Variants in TGFA observed in about 807,000 individuals in gnomAD.
TGFA encodes the protein protransforming growth factor alpha.
A neutral mutation model predicts 21.7 loss-of-function variants in TGFA; 12 were observed. That is an observed-to-expected ratio of 0.55 (90% CI 0.35 to 0.90). The LOEUF (loss-of-function observed/expected upper bound fraction) is 0.90, where lower values mean the gene tolerates loss of function less well. Ranked by LOEUF, TGFA falls within the 40% of genes least tolerant of loss-of-function variation. The pLI is 0.01. For synonymous variants in TGFA, 79 were observed against 88.1 expected, an observed-to-expected ratio of 0.90 and a Z score of 0.58; for missense variants, 178 against 210.8, an observed-to-expected ratio of 0.84 and a Z score of 0.96.
At chr2:70,550,418 G>A (rs7568707) in intron 1 of TGFA, among the ~76,000 whole-genome samples, 39,332 of 151,412 alleles carry the variant, frequency 0.26, 5,260 homozygotes, top group Admixed American at 0.35. Flanking sequence ...ACAACTGATC[G>A]TTGAATACTA....
At chr2:70,529,636 G>T (rs1672756524) in intron 1 of TGFA, among the ~76,000 whole-genome samples, 1 of 152,130 alleles carries the variant, frequency 6.6e-6, no homozygotes, top group Non-Finnish European at 1.5e-5. Flanking sequence ...TGTGGCTGGG[G>T]GAGGGCACAC....
chr2:70,517,690 G>T (rs1177338702), intron 1 of TGFA, among the ~76,000 whole-genome samples: 1 of 152,250 alleles, frequency 6.6e-6, no homozygotes, highest in Non-Finnish European at 1.5e-5. Flanking sequence ...ACAAGACAGT[G>T]TCTAATTACC....
intron 2 of TGFA, among the ~76,000 whole-genome samples, chr2:70,487,416 G>C (rs1671301389): frequency 6.6e-6 from 1 of 152,146 alleles, no homozygotes; most frequent in Admixed American, 6.5e-5. Flanking sequence ...GAGATATCCT[G>C]GGGATGGGAC....
At chr2:70,543,540 G>GA (rs1169766303) in intron 1 of TGFA, among the ~76,000 whole-genome samples, 15 of 136,594 alleles carry the variant, frequency 1.1e-4, no homozygotes, top group South Asian at 2.3e-4. Context: ...AAAAAAAAAA[G>GA]AAAAAAAAAG....
At chr2:70,466,180 G>A (rs1670554030) in intron 2 of TGFA, among the ~76,000 whole-genome samples, 1 of 152,190 alleles carries the variant, frequency 6.6e-6, no homozygotes, top group Non-Finnish European at 1.5e-5. Flanking sequence ...GATGCAAAAA[G>A]GTGCTTATGA....
intron 2 of TGFA, among the ~76,000 whole-genome samples, chr2:70,490,471 C>T (rs996878348): frequency 6.6e-6 from 1 of 152,198 alleles, no homozygotes; most frequent in African/African-American, 2.4e-5. Flanking sequence ...TCGGATAATG[C>T]GCTTTGCACT....
chr2:70,514,504 A>T (rs1361717263), intron 2 of TGFA, among the ~76,000 whole-genome samples: 1 of 151,552 alleles, frequency 6.6e-6, no homozygotes, highest in Non-Finnish European at 1.5e-5. Context: ...GGGTTCAGAA[A>T]TCTGGGTTCT....
intron 2 of TGFA, among the ~76,000 whole-genome samples, chr2:70,502,193 C>A (rs1553499283): frequency 6.6e-6 from 1 of 152,228 alleles, no homozygotes; most frequent in Non-Finnish European, 1.5e-5. Flanking sequence ...TAAAGGAAAG[C>A]ACCGAGGGGG....
chr2:70,455,558 T>G (rs1023685081), intron 4 of TGFA, among the ~76,000 whole-genome samples: 1 of 152,214 alleles, frequency 6.6e-6, no homozygotes. Flanking sequence ...GGTGCAAAAG[T>G]AATTGTGGTT....
chr2:70,516,878 A>G (rs1267398343), intron 1 of TGFA, among the ~76,000 whole-genome samples: 1 of 151,112 alleles, frequency 6.6e-6, no homozygotes, highest in African/African-American at 2.5e-5. Context: ...AACTGCCCCG[A>G]ACTAAAGAAT....
intron 2 of TGFA, among the ~76,000 whole-genome samples, chr2:70,474,747 G>A (rs1174440292): frequency 6.6e-6 from 1 of 152,154 alleles, no homozygotes; most frequent in Non-Finnish European, 1.5e-5. Context: ...GGCCTAAGAT[G>A]GACTTCTGAA....
chr2:70,494,686 A>G (rs1458717472), intron 2 of TGFA, among the ~76,000 whole-genome samples: 1 of 152,232 alleles, frequency 6.6e-6, no homozygotes, highest in Non-Finnish European at 1.5e-5. Context: ...AATTTGACCA[A>G]TGAAAATGAT....
intron 1 of TGFA, among the ~76,000 whole-genome samples, chr2:70,537,911 T>C (rs1324612218): frequency 3.3e-5 from 5 of 152,212 alleles, no homozygotes; most frequent in Non-Finnish European, 5.9e-5. Flanking sequence ...GATGATGCCA[T>C]CTAGGATGTT....
At chr2:70,472,768 C>T (rs2103724953) in intron 2 of TGFA, among the ~76,000 whole-genome samples, 1 of 152,358 alleles carries the variant, frequency 6.6e-6, no homozygotes, top group East Asian at 1.9e-4. Flanking sequence ...AACTCTCTTC[C>T]CCAGATGTCA....
intron 2 of TGFA, among the ~76,000 whole-genome samples, chr2:70,493,607 A>G (rs1448525051): frequency 6.6e-6 from 1 of 152,184 alleles, no homozygotes; most frequent in Non-Finnish European, 1.5e-5. Flanking sequence ...CCCACCCCAA[A>G]AAGGAAAATG....
At chr2:70,465,836 C>T (rs1553492140) in intron 2 of TGFA, 100 bp from the exon 3 acceptor site, 9 of 1,537,008 alleles carry the variant, frequency 5.9e-6, no homozygotes, top group African/African-American at 1.4e-5. Flanking sequence ...CCCCTGATGG[C>T]TGGGACTTTG....
intron 1 of TGFA, among the ~76,000 whole-genome samples, chr2:70,548,425 A>G (rs569998329): frequency 3.9e-5 from 6 of 152,318 alleles, no homozygotes; most frequent in African/African-American, 1.4e-4. Context: ...AAGTTAACAC[A>G]TTCCAAGATG....
chr2:70,538,451 A>G (rs891021791), intron 1 of TGFA, among the ~76,000 whole-genome samples: 11 of 152,240 alleles, frequency 7.2e-5, no homozygotes, highest in African/African-American at 2.7e-4. Context: ...ACCATTCTAG[A>G]TGACATTAAG....
At chr2:70,501,581 G>A (rs1671739215) in intron 2 of TGFA, among the ~76,000 whole-genome samples, 1 of 151,982 alleles carries the variant, frequency 6.6e-6, no homozygotes, top group Non-Finnish European at 1.5e-5. Flanking sequence ...GTTACTCCAG[G>A]GTACCGAAGA....
Sources: gnomAD v4.1 joint callset for allele counts (sites outside exome capture counted in the v4.1 genomes callset) on GRCh38, gnomAD v4.1.1 for gene constraint, MANE v1.5 for transcripts, NCBI Gene and HGNC (gene_info 2026-07-23, HGNC 2026-07-21) for gene names.